GALNTL6: variants seen among roughly 807,000 people sequenced by gnomAD.
GALNTL6 encodes the protein polypeptide N-acetylgalactosaminyltransferase-like 6.
In GALNTL6, 46 loss-of-function variants were observed where a neutral mutation model predicts 73.7. That is an observed-to-expected ratio of 0.62 (90% CI 0.49 to 0.80). The LOEUF (loss-of-function observed/expected upper bound fraction) is 0.80. Among genes scored for constraint, GALNTL6 ranks in the 30% least tolerant of loss-of-function variants. The pLI is 0.00. For synonymous variants in GALNTL6, 259 were observed against 263.7 expected (o/e 0.98, Z 0.17); for missense variants, 604 against 755.0 (o/e 0.80, Z 2.34).
intron 2 of GALNTL6, among the ~76,000 whole-genome samples, chr4:171,968,570 C>T (rs139547476): frequency 0.02 from 3,064 of 152,198 alleles, 58 homozygotes; most frequent in Non-Finnish European, 0.034. Context: ...CTGCAAAGAC[C>T]CTATTTCCAA....
intron 5 of GALNTL6, among the ~76,000 whole-genome samples, chr4:172,792,236 G>A (rs532284613): frequency 3.9e-5 from 6 of 152,222 alleles, no homozygotes; most frequent in Admixed American, 3.9e-4. Context: ...ATGGCCAATA[G>A]TATGTAATGT....
intron 5 of GALNTL6, among the ~76,000 whole-genome samples, chr4:172,638,589 A>G (rs1739807332): frequency 6.6e-6 from 1 of 152,172 alleles, no homozygotes; most frequent in African/African-American, 2.4e-5. Context: ...AGTTGCAGAA[A>G]TAGTAAACAC....
chr4:171,951,785 G>A (rs996164667), intron 2 of GALNTL6, among the ~76,000 whole-genome samples: 5 of 151,858 alleles, frequency 3.3e-5, no homozygotes, highest in South Asian at 2.1e-4. Context: ...AAGAAATTAC[G>A]CTAAATTATA....
At position 172,021,463 on chromosome 4, in the gene GALNTL6, A is replaced by G. The variant is rs183880570; in HGVS notation, c.138+206745A>G. Among the ~76,000 whole-genome samples, 791 of 152,228 alleles carry G rather than the reference A, an allele frequency of 5.2e-3. 8 individuals are homozygous for G. The highest frequency in any genetic ancestry group is 0.03 in the East Asian group (157 of 5,166). Reference sequence around the variant, plus strand: ...TGAAGAGGACACAAAAAATGGAAAGATATTCCATGTCCATTGTTTGGAAGA... The same window carrying G: ...TGAAGAGGACACAAAAAATGGAAAGGTATTCCATGTCCATTGTTTGGAAGA... On this transcript the variant is annotated intron_variant, in intron 2 of 12. Coordinates refer to ENST00000506823, the MANE Select transcript of GALNTL6 (RefSeq NM_001034845.3).
chr4:172,536,012 A>G (rs1264506916), intron 5 of GALNTL6, among the ~76,000 whole-genome samples: 1 of 152,168 alleles, frequency 6.6e-6, no homozygotes, highest in African/African-American at 2.4e-5. Flanking sequence ...GGTTACCTTC[A>G]TGCTGTTCTC....
At chr4:172,722,077 C>G (rs1252077760) in intron 5 of GALNTL6, among the ~76,000 whole-genome samples, 1 of 151,272 alleles carries the variant, frequency 6.6e-6, no homozygotes, top group African/African-American at 2.4e-5. Context: ...TCCTTTCTGT[C>G]AATGTGATCA....
intron 9 of GALNTL6, among the ~76,000 whole-genome samples, chr4:172,943,328 A>C (rs1749005051): frequency 1.3e-5 from 2 of 152,266 alleles, no homozygotes; most frequent in South Asian, 4.1e-4. Context: ...AAGATCTTCC[A>C]GCCCCGTCAA....
At chr4:172,710,146 G>T (rs1250258350) in intron 5 of GALNTL6, among the ~76,000 whole-genome samples, 4 of 152,104 alleles carry the variant, frequency 2.6e-5, no homozygotes, top group African/African-American at 7.2e-5. Flanking sequence ...AATTTATATT[G>T]TTGGCAGGGT....
At chr4:172,379,915 G>T in intron 5 of GALNTL6, 1 of 581,240 alleles carries the variant, frequency 1.7e-6, no homozygotes, top group East Asian at 3.4e-5. Flanking sequence ...GACTGAAGAA[G>T]TCTGGGCTTT....
intron 2 of GALNTL6, among the ~76,000 whole-genome samples, chr4:171,817,778 C>A (rs909252533): frequency 6.6e-6 from 1 of 151,138 alleles, no homozygotes; most frequent in Non-Finnish European, 1.5e-5. Flanking sequence ...CAAAGAGGAT[C>A]GATATAACAG....
intron 2 of GALNTL6, among the ~76,000 whole-genome samples, chr4:171,902,940 G>A (rs1737145274): frequency 6.6e-6 from 1 of 152,154 alleles, no homozygotes; most frequent in South Asian, 2.1e-4. Flanking sequence ...TTTTACCACA[G>A]TAGGGAGGAG....
intron 5 of GALNTL6, among the ~76,000 whole-genome samples, chr4:172,366,444 A>T (rs2111248897): frequency 6.6e-6 from 1 of 152,246 alleles, no homozygotes; most frequent in African/African-American, 2.4e-5. Flanking sequence ...TAATAATTTT[A>T]TTCCTTCTCT....
intron 3 of GALNTL6, among the ~76,000 whole-genome samples, chr4:172,300,989 CA>C (rs1362912979): frequency 8.5e-5 from 13 of 152,230 alleles, no homozygotes; most frequent in Non-Finnish European, 1.5e-4. Flanking sequence ...TTCTCCCCGT[CA>C]TTTTCAGGTT....
intron 2 of GALNTL6, among the ~76,000 whole-genome samples, chr4:171,988,278 T>G (rs921044061): frequency 5.3e-5 from 8 of 152,236 alleles, no homozygotes; most frequent in Admixed American, 4.6e-4. Flanking sequence ...TTTGGGAGAT[T>G]AATCGGCCAC....
At chr4:172,524,480 T>TATTTCATTCTCATTACTGCATAGC (rs773169746) in intron 5 of GALNTL6, among the ~76,000 whole-genome samples, 29 of 152,264 alleles carry the variant, frequency 1.9e-4, no homozygotes, top group Non-Finnish European at 3.5e-4. Context: ...TGAGTAGCTA[T>TATTTCATTCTCATTACTGCATAGC]ATTTCATTCT....
intron 2 of GALNTL6, among the ~76,000 whole-genome samples, chr4:171,940,588 A>C (rs558205209): frequency 1.3e-5 from 2 of 152,146 alleles, no homozygotes; most frequent in South Asian, 4.1e-4. Context: ...TTGAGAGGCC[A>C]AGGCAGGCAG....
At chr4:172,871,756 GT>G (rs1395414318) in intron 7 of GALNTL6, among the ~76,000 whole-genome samples, 1 of 36,134 alleles carries the variant, frequency 2.8e-5, no homozygotes, top group African/African-American at 1.0e-4. Context: ...GTTTAGCATA[GT>G]TTTTTGTTTG....
At chr4:171,929,932 T>C (rs1472917039) in intron 2 of GALNTL6, among the ~76,000 whole-genome samples, 5 of 152,188 alleles carry the variant, frequency 3.3e-5, no homozygotes, top group African/African-American at 1.2e-4. Flanking sequence ...GGCCAATGTC[T>C]GCCCCGTGTC....
chr4:172,433,430 A>G (rs1050802818), intron 5 of GALNTL6, among the ~76,000 whole-genome samples: 3 of 152,068 alleles, frequency 2.0e-5, no homozygotes, highest in African/African-American at 7.2e-5. Context: ...ACGTTTTTAT[A>G]TACCCACCCA....
Sources: allele counts gnomAD v4.1 joint callset (sites outside exome capture counted in the v4.1 genomes callset), GRCh38; gene constraint gnomAD v4.1.1; transcripts MANE v1.5; gene names NCBI Gene and HGNC (gene_info 2026-07-23, HGNC 2026-07-21).